The following OCLN variants were observed in gnomAD, a reference collection of about 807,000 sequenced individuals.
OCLN encodes phosphatase 1, regulatory subunit 115.
OCLN carries 21 observed loss-of-function variants against 47.9 expected under a neutral mutation model. The observed-to-expected ratio is 0.44, with a 90% CI of 0.31 to 0.63. The LOEUF is 0.63. Ranked by LOEUF, OCLN falls within the 30% of genes least tolerant of loss-of-function variation. The pLI is 0.08. For missense variants in OCLN, 360 were observed against 571.0 expected, an observed-to-expected ratio of 0.63 and a Z score of 3.77; for synonymous variants, 117 against 198.4, an observed-to-expected ratio of 0.59 and a Z score of 3.45.
rs149373365 is a variant in OCLN, at chr5:69,518,402, T to C, written c.891+4293T>C. ...TTCCTCATTTCTTTTCCTCTGCCCT[T>C]CAGTTTTTTGAACTGAAATGCCTCA... is the stretch of plus-strand genomic sequence containing the variant. On this transcript the variant is annotated intron_variant, in intron 4 of 8. Coordinates refer to ENST00000396442, the MANE Select transcript of OCLN (RefSeq NM_001205254.2). Among the ~76,000 whole-genome samples, 7 of 152,352 alleles carry C rather than the reference T, an allele frequency of 4.6e-5. No homozygotes were observed. The East Asian group carries it at 1.3e-3, about 29-fold the overall frequency.
At chr5:69,508,265 A>G (rs149774451) in intron 2 of OCLN, among the ~76,000 whole-genome samples, 2,168 of 151,842 alleles carry the variant, frequency 0.014, 21 homozygotes, top group Admixed American at 0.03. Flanking sequence ...CTGGTCTCAA[A>G]CTCCTGGCCT....
intron 4 of OCLN, among the ~76,000 whole-genome samples, chr5:69,518,759 G>C (rs1041594764): frequency 6.6e-6 from 1 of 152,162 alleles, no homozygotes; most frequent in Non-Finnish European, 1.5e-5. Flanking sequence ...TGAGAATCTA[G>C]AATTAACTAC....
At chr5:69,536,722 A>C (rs2112070748) in intron 5 of OCLN, among the ~76,000 whole-genome samples, 1 of 151,438 alleles carries the variant, frequency 6.6e-6, no homozygotes, top group Admixed American at 6.6e-5. Context: ...TAATCCCAGC[A>C]CTTTGGGAGG....
chr5:69,514,005 T>C lies in OCLN; in HGVS notation c.787T>C (p.Phe263Leu). The stretch of plus-strand genomic sequence containing the variant: ...TGTGGCTTTTGCTTTAATAATTTTC[T>C]TTGCTGTGAAAACTCGAAGAAAGAT... The part of the protein sequence containing the change: ...IIVAFALIIF[F>L]AVKTRRKMDR... The change falls in exon 4 of 9, where the codon TTT (phenylalanine) becomes CTT (leucine). Residue 263 changes from phenylalanine (F) to leucine (L), a missense_variant. Coordinates refer to ENST00000396442, the MANE Select transcript of OCLN (RefSeq NM_001205254.2). 6.2e-7 allele frequency: 1 copy of C among 1,614,046 alleles called. No homozygotes were observed. Among genetic ancestry groups the C allele is most frequent in the Non-Finnish European group, 8.5e-7 (1 of 1,179,874 alleles).
intron 7 of OCLN, among the ~76,000 whole-genome samples, chr5:69,549,464 C>T (rs1769801667): frequency 6.8e-6 from 1 of 146,894 alleles, no homozygotes; most frequent in Non-Finnish European, 1.5e-5. Context: ...ACAATCTCTC[C>T]AAGCAGGAGT....
At chr5:69,516,161 G>A (rs1458627314) in intron 4 of OCLN, among the ~76,000 whole-genome samples, 2 of 151,822 alleles carry the variant, frequency 1.3e-5, no homozygotes, top group African/African-American at 4.8e-5. Flanking sequence ...GGAGGTGGAG[G>A]TTGTAGCGAG....
At chr5:69,505,079 C>A (rs1334579597) in intron 2 of OCLN, among the ~76,000 whole-genome samples, 1 of 151,976 alleles carries the variant, frequency 6.6e-6, no homozygotes, top group Non-Finnish European at 1.5e-5. Flanking sequence ...GAGAAACCCC[C>A]ATCTCTACTG....
At chr5:69,520,303 CT>C (rs1188006043) in intron 4 of OCLN, among the ~76,000 whole-genome samples, 505 of 130,558 alleles carry the variant, frequency 3.9e-3, no homozygotes, top group Middle Eastern at 5.6e-3. Context: ...CTATGGGGTA[CT>C]TTTTTTTTTT....
At chr5:69,499,820 C>T (rs1396523757) in intron 1 of OCLN, among the ~76,000 whole-genome samples, 1 of 152,110 alleles carries the variant, frequency 6.6e-6, no homozygotes, top group Non-Finnish European at 1.5e-5. Flanking sequence ...CTCTTGACCT[C>T]GTGATCCACC....
chr5:69,508,461 C>T (rs1371711732), intron 2 of OCLN, among the ~76,000 whole-genome samples: 1 of 152,180 alleles, frequency 6.6e-6, no homozygotes, highest in Non-Finnish European at 1.5e-5. Context: ...GTGCCTCAGC[C>T]TCCTGAGTAG....
intron 4 of OCLN, among the ~76,000 whole-genome samples, chr5:69,524,623 C>T (rs1769227586): frequency 1.3e-5 from 2 of 152,192 alleles, no homozygotes; most frequent in South Asian, 4.1e-4. Flanking sequence ...GCAGTTTATC[C>T]AGTTTCCTTT....
intron 4 of OCLN, among the ~76,000 whole-genome samples, chr5:69,517,314 A>ATT (rs58026583): frequency 6.1e-5 from 8 of 131,922 alleles, no homozygotes; most frequent in South Asian, 2.4e-4. Context: ...ATATATATAT[A>ATT]TTTTTTTTTT....
At position 69,554,888 on chromosome 5, in the gene OCLN, G is replaced by C. The variant is rs1208038148; in HGVS notation, c.*1217G>C. The C allele has an allele frequency of 6.7e-6, 1 of 150,342 alleles. No individual in the cohort carries two copies. Among genetic ancestry groups the C allele is most frequent in the Non-Finnish European group, 1.5e-5 (1 of 67,610 alleles). The allele number at this position is 150,342 out of a possible 1,614,324, so 9.3% of individuals were successfully genotyped here. On this transcript the variant is annotated 3_prime_UTR_variant, in exon 9 of 9. Transcript: ENST00000396442. The stretch of plus-strand genomic sequence containing the variant: ...AGACTTTTCTAAAAACTTTTTTTTA[G>C]AATAATCTATAAACTGAACTTTAGT...
At chr5:69,527,083 G>A (rs1769301231) in intron 4 of OCLN, among the ~76,000 whole-genome samples, 1 of 152,046 alleles carries the variant, frequency 6.6e-6, no homozygotes, top group South Asian at 2.1e-4. Context: ...TTCGAGACAA[G>A]CTGGCCAACA....
chr5:69,524,329 T>C (rs1769221246), intron 4 of OCLN, among the ~76,000 whole-genome samples: 1 of 152,248 alleles, frequency 6.6e-6, no homozygotes, highest in African/African-American at 2.4e-5. Flanking sequence ...TTATACATTT[T>C]TTACTCTCTC....
chr5:69,517,314 A>T (rs938012017), intron 4 of OCLN, among the ~76,000 whole-genome samples: 1,880 of 131,854 alleles, frequency 0.014, 14 homozygotes, highest in Middle Eastern at 0.037. Flanking sequence ...ATATATATAT[A>T]TTTTTTTTTT....
At chr5:69,550,389 G>A (rs1172705234) in intron 7 of OCLN, among the ~76,000 whole-genome samples, 2 of 149,846 alleles carry the variant, frequency 1.3e-5, no homozygotes, top group African/African-American at 2.4e-5. Flanking sequence ...ACGGGGTTTT[G>A]CCATGTTGGT....
At chr5:69,519,916 A>T (rs933440205) in intron 4 of OCLN, among the ~76,000 whole-genome samples, 2 of 152,204 alleles carry the variant, frequency 1.3e-5, no homozygotes, top group African/African-American at 4.8e-5. Flanking sequence ...GGACCCATGC[A>T]GTTCAAACCT....
intron 4 of OCLN, among the ~76,000 whole-genome samples, chr5:69,522,093 C>T (rs1769154228): frequency 6.6e-6 from 1 of 152,170 alleles, no homozygotes; most frequent in Non-Finnish European, 1.5e-5. Context: ...GCCTTGGCCT[C>T]CCAAAGTGTT....
Sources: gnomAD v4.1 joint callset for allele counts (sites outside exome capture counted in the v4.1 genomes callset) on GRCh38, gnomAD v4.1.1 for gene constraint, MANE v1.5 for transcripts, NCBI Gene and HGNC (gene_info 2026-07-23, HGNC 2026-07-21) for gene names.